Variants in VEGFC observed in about 807,000 individuals in gnomAD.
The protein encoded by VEGFC is FLT4 ligand DHM.
A neutral mutation model predicts 46.1 loss-of-function variants in VEGFC; 12 were observed. That is an observed-to-expected ratio of 0.26 (90% CI 0.17 to 0.42). The LOEUF is 0.42. VEGFC is among the 10% of genes least tolerant of loss of function. The pLI is 1.00. For synonymous variants in VEGFC, 232 were observed against 195.5 expected, an observed-to-expected ratio of 1.19 and a Z score of -1.56; for missense variants, 488 against 529.4, an observed-to-expected ratio of 0.92 and a Z score of 0.77.
At chr4:176,778,449 C>A (rs868188718) in intron 1 of VEGFC, among the ~76,000 whole-genome samples, 1 of 152,136 alleles carries the variant, frequency 6.6e-6, no homozygotes, top group African/African-American at 2.4e-5. Context: ...TAGTAGAGGG[C>A]AAGTTGTTCC....
intron 1 of VEGFC, among the ~76,000 whole-genome samples, chr4:176,790,739 G>C (rs1736076080): frequency 1.3e-5 from 2 of 152,180 alleles, no homozygotes; most frequent in South Asian, 4.1e-4. Flanking sequence ...TGACTTTGCA[G>C]AAATAGCAAA....
chr4:176,712,443 TAAAC>T (rs1734634986), intron 3 of VEGFC, among the ~76,000 whole-genome samples: 1 of 152,196 alleles, frequency 6.6e-6, no homozygotes, highest in Non-Finnish European at 1.5e-5. Context: ...TTAAATTAAA[TAAAC>T]AAATACATCA....
intron 4 of VEGFC, among the ~76,000 whole-genome samples, chr4:176,689,071 C>G (rs1734100165): frequency 6.6e-6 from 1 of 152,158 alleles, no homozygotes; most frequent in African/African-American, 2.4e-5. Flanking sequence ...TATATATCAA[C>G]TTCTCACTAC....
Position 176,687,502 on chromosome 4 carries a change from T to C in VEGFC, c.830A>G (p.His277Arg), listed in dbSNP as rs753220179. Reference sequence around the variant, plus strand: ...CTCCTTGTTTGGTCCACAGATGTCATGGAATCCATCTGTTGAGTCTAGACA... The same window carrying C: ...CTCCTTGTTTGGTCCACAGATGTCACGGAATCCATCTGTTGAGTCTAGACA... ...DAGDDSTDGF[H>R]DICGPNKELD... The change falls in exon 6 of 7, where the codon CAT becomes CGT. Residue 277 changes from histidine (H) to arginine (R), a missense_variant. Transcript: ENST00000618562. 9 of 1,607,554 alleles carry C rather than the reference T, an allele frequency of 5.6e-6. No individual in the cohort carries two copies. The highest frequency in any genetic ancestry group is 5.1e-6 in the Non-Finnish European group (6 of 1,176,674).
chr4:176,687,483 G>T lies in VEGFC; in HGVS notation c.849C>A (p.Asn283Lys). The T allele has an allele frequency of 6.2e-7, 1 of 1,612,684 alleles. No individual in the cohort carries two copies. The highest frequency in any genetic ancestry group is 1.1e-5 in the South Asian group (1 of 91,030). Residue 283 changes from asparagine (N) to lysine (K), a missense_variant, in exon 6 of 7, where the codon AAC becomes AAA. By Grantham distance (94) the Asn-to-Lys change is moderately conservative (BLOSUM62 0). Coordinates refer to ENST00000618562, the MANE Select transcript of VEGFC (RefSeq NM_005429.5). ...GACAGGTCTCTTCATCCAGCTCCTTGTTTGGTCCACAGATGTCATGGAATC... is the reference window on the plus strand; with the variant it reads ...GACAGGTCTCTTCATCCAGCTCCTTTTTTGGTCCACAGATGTCATGGAATC... ...TDGFHDICGP[N>K]KELDEETCQC...
chr4:176,756,507 G>A (rs555373502), intron 1 of VEGFC, among the ~76,000 whole-genome samples: 3 of 152,124 alleles, frequency 2.0e-5, no homozygotes, highest in African/African-American at 7.2e-5. Context: ...TGCCCATCTA[G>A]GGAAGAACAT....
chr4:176,786,763 T>C (rs554393314), intron 1 of VEGFC, among the ~76,000 whole-genome samples: 1 of 152,308 alleles, frequency 6.6e-6, no homozygotes, highest in African/African-American at 2.4e-5. Context: ...TTGAAGTAGA[T>C]TAAAGAGCAA....
In VEGFC at chr4:176,753,952, G is replaced by A. The variant is rs144878511; in HGVS notation, c.148-24206C>T. The stretch of plus-strand genomic sequence containing the variant: ...CATGTACTATGTTGCAGACTACAAC[G>A]TCCTTTCGCCTAGGTTATTCAAATT... On this transcript the variant is annotated intron_variant, in intron 1 of 6. Coordinates refer to ENST00000618562, the MANE Select transcript of VEGFC (RefSeq NM_005429.5). Among the ~76,000 whole-genome samples, 492 of 152,146 alleles carry A rather than the reference G, an allele frequency of 3.2e-3. 3 individuals carry two copies. The highest frequency in any genetic ancestry group is 0.011 in the African/African-American group (467 of 41,528).
At chr4:176,777,410 A>C (rs113307015) in intron 1 of VEGFC, among the ~76,000 whole-genome samples, 92 of 152,342 alleles carry the variant, frequency 6.0e-4, no homozygotes, top group African/African-American at 2.2e-3. Flanking sequence ...GTCTATATTC[A>C]TATACCATAA....
intron 3 of VEGFC, among the ~76,000 whole-genome samples, chr4:176,726,232 A>G (rs994408906): frequency 7.2e-5 from 11 of 152,144 alleles, no homozygotes; most frequent in Non-Finnish European, 1.0e-4. Context: ...TTTTTCTGGT[A>G]AAGTTTCTAA....
chr4:176,719,782 C>T (rs539062538), intron 3 of VEGFC, among the ~76,000 whole-genome samples: 44 of 152,210 alleles, frequency 2.9e-4, no homozygotes, highest in Admixed American at 2.4e-3. Context: ...AACTATCTGC[C>T]GGGTGCGGTG....
chr4:176,728,144 T>C (rs1299865091), intron 2 of VEGFC, among the ~76,000 whole-genome samples, 176 bp from the exon 3 acceptor site: 2 of 152,170 alleles, frequency 1.3e-5, no homozygotes, highest in Non-Finnish European at 2.9e-5. Context: ...TGATATAACA[T>C]TGAAAAGACA....
chr4:176,757,944 A>G (rs926591907), intron 1 of VEGFC, among the ~76,000 whole-genome samples: 2 of 152,098 alleles, frequency 1.3e-5, no homozygotes, highest in Non-Finnish European at 2.9e-5. Flanking sequence ...TAATCCCCAT[A>G]AAAGTAAAAA....
Position 176,792,355 on chromosome 4 carries a change from A to C in VEGFC, c.-44T>G. The C allele has an allele frequency of 2.2e-5, 13 of 604,264 alleles. No individual in the cohort carries two copies. Among genetic ancestry groups the C allele is most frequent in the East Asian group, 9.8e-5 (1 of 10,188 alleles). 37.4% of individuals were successfully genotyped at this position (604,264 alleles called of 1,614,324 possible). A position where few individuals can be genotyped will look rare whatever the true frequency, so the allele number is the denominator to read the frequency against. On this transcript the variant is annotated 5_prime_UTR_variant, in exon 1 of 7. Coordinates refer to ENST00000618562, the MANE Select transcript of VEGFC (RefSeq NM_005429.5). The surrounding 1 kb of genome is among the most constrained non-coding windows in gnomAD (Gnocchi z 6.3). ...GGGGGACCGGTCCGCTGGCGGGGGC[A>C]GGGGTGGGGGCGCGGGCGCCCCTGC...
chr4:176,760,148 G>T (rs1191114437), intron 1 of VEGFC, among the ~76,000 whole-genome samples: 4 of 152,070 alleles, frequency 2.6e-5, no homozygotes, highest in Non-Finnish European at 5.9e-5. Context: ...GAAATAATAG[G>T]TTTTATTTTC....
chr4:176,752,354 A>G (rs929836567), intron 1 of VEGFC, among the ~76,000 whole-genome samples: 4 of 152,086 alleles, frequency 2.6e-5, no homozygotes, highest in African/African-American at 9.7e-5. Context: ...TGACTTTTAC[A>G]TAGCTCATAT....
intron 3 of VEGFC, among the ~76,000 whole-genome samples, chr4:176,721,063 A>G (rs1465069854): frequency 2.6e-5 from 4 of 152,050 alleles, no homozygotes; most frequent in Non-Finnish European, 5.9e-5. Context: ...AACACAGAGT[A>G]CAGCATTGCA....
chr4:176,791,958 G>C (rs763936895), intron 1 of VEGFC, among the ~76,000 whole-genome samples: 2 of 152,246 alleles, frequency 1.3e-5, no homozygotes, highest in African/African-American at 2.4e-5. Flanking sequence ...CCCTTCACTC[G>C]TGTAACTTGC....
At chr4:176,767,123 T>TAAAAAAAAAAAAAAAAAAAAA (rs70964805) in intron 1 of VEGFC, among the ~76,000 whole-genome samples, 3 of 50,482 alleles carry the variant, frequency 5.9e-5, no homozygotes, top group Admixed American at 2.5e-4. Context: ...TGTAGAAATC[T>TAAAAAAAAAAAAAAAAAAAAA]AAAAAAAAAA....
Sources: gnomAD v4.1 joint callset for allele counts (sites outside exome capture counted in the v4.1 genomes callset) on GRCh38, gnomAD v4.1.1 for gene constraint, Gnocchi (gnomAD v3.1) non-coding constraint, MANE v1.5 for transcripts, NCBI Gene and HGNC (gene_info 2026-07-23, HGNC 2026-07-21) for gene names.